USP15: variants seen among roughly 807,000 people sequenced by gnomAD.
The protein encoded by USP15 is ubiquitin carboxyl-terminal hydrolase 15.
In USP15, 18 loss-of-function variants were observed where a neutral mutation model predicts 127.1. The observed-to-expected ratio is 0.14, with a 90% CI of 0.10 to 0.21. The LOEUF (loss-of-function observed/expected upper bound fraction) is 0.21. Among genes scored for constraint, USP15 ranks in the 10% least tolerant of loss-of-function variants. USP15 has a pLI of 1.00. For missense variants in USP15, 805 were observed against 1,159.9 expected (o/e 0.69, Z 4.44); for synonymous variants, 364 against 393.7 (o/e 0.92, Z 0.89).
rs563672624 is a variant in USP15 at position 62,293,890 on chromosome 12, T to TC, written c.90-289_90-288insC. 3.1e-3 allele frequency among the ~76,000 whole-genome samples: 470 copies of TC among 152,326 alleles called. 1 individual carries two copies. The highest frequency in any genetic ancestry group is 9.8e-3 in the African/African-American group (409 of 41,572). On this transcript the variant is annotated intron_variant, in intron 1 of 21. Transcript: ENST00000280377. Reference sequence around the variant, plus strand: ...TTTTAAATTTATTTTGACAAATTCTTACGGTTATTTCCATTTTTATTCAAT... The same window carrying TC: ...TTTTAAATTTATTTTGACAAATTCTTCACGGTTATTTCCATTTTTATTCAAT...
intron 2 of USP15, among the ~76,000 whole-genome samples, chr12:62,298,547 T>A (rs950955206): frequency 5.9e-5 from 9 of 151,914 alleles, no homozygotes; most frequent in Non-Finnish European, 1.2e-4. Flanking sequence ...GCACTTGTAG[T>A]CCCATCTACT....
chr12:62,406,585 G>C lies in USP15; in HGVS notation c.*2210G>C, dbSNP rs2067874698. 2 of 152,104 alleles carry C rather than the reference G, an allele frequency of 1.3e-5. No homozygotes were observed. Among genetic ancestry groups the C allele is most frequent in the South Asian group, 4.2e-4 (2 of 4,816 alleles). 9.4% of individuals were successfully genotyped at this position (152,104 alleles called of 1,614,324 possible). Reference sequence around the variant, plus strand: ...TGATGTTAATAATGCCATTGAAACTGCCAAACTCAAATGTCATTTTTCAGC... The same window carrying C: ...TGATGTTAATAATGCCATTGAAACTCCCAAACTCAAATGTCATTTTTCAGC... On this transcript the variant is annotated 3_prime_UTR_variant, in exon 22 of 22. Coordinates refer to ENST00000280377, the MANE Select transcript of USP15 (RefSeq NM_001252078.2).
intron 2 of USP15, among the ~76,000 whole-genome samples, chr12:62,298,703 A>G (rs142576169): frequency 6.6e-6 from 1 of 151,708 alleles, no homozygotes; most frequent in Admixed American, 6.6e-5. Flanking sequence ...GGTGGCATAC[A>G]CCTGTAGTCC....
At chr12:62,391,579 TA>T in intron 16 of USP15, 150 bp downstream of exon 16, 1 of 1,045,656 alleles carries the variant, frequency 9.6e-7, no homozygotes, top group Non-Finnish European at 1.3e-6. Flanking sequence ...AATATCTAAG[TA>T]GACTAAAATG....
intron 8 of USP15, among the ~76,000 whole-genome samples, chr12:62,356,620 G>T (rs972366027): frequency 6.6e-6 from 1 of 151,998 alleles, no homozygotes; most frequent in Non-Finnish European, 1.5e-5. Flanking sequence ...TGCCTAAGCA[G>T]ATAGGTTAAT....
intron 2 of USP15, among the ~76,000 whole-genome samples, chr12:62,299,293 T>G (rs897243600): frequency 6.6e-6 from 1 of 152,032 alleles, no homozygotes; most frequent in African/African-American, 2.4e-5. Flanking sequence ...GCATTTTTGT[T>G]GAGATGGGGT....
chr12:62,311,411 G>A lies in USP15; in HGVS notation c.349-3379G>A, dbSNP rs539713716. Among the ~76,000 whole-genome samples, 8 of 151,786 alleles carry A rather than the reference G, an allele frequency of 5.3e-5. No homozygotes were observed. The East Asian group carries it at 9.6e-4, about 18-fold the overall frequency. Reference sequence around the variant, plus strand: ...ATAGTAAATATTTTTAGCTTTATGCGCCCTTTAGTTTCTTTTGAAATGACT... The same window carrying A: ...ATAGTAAATATTTTTAGCTTTATGCACCCTTTAGTTTCTTTTGAAATGACT... On this transcript the variant is annotated intron_variant, in intron 3 of 21. Coordinates refer to ENST00000280377, the MANE Select transcript of USP15 (RefSeq NM_001252078.2).
At chr12:62,312,399 A>G (rs10431510) in intron 3 of USP15, 50,248 of 164,318 alleles carry the variant, frequency 0.31, 8,020 homozygotes, top group African/African-American at 0.38. Context: ...TGTAAAAAAT[A>G]CCCTAAATAT....
intron 3 of USP15, among the ~76,000 whole-genome samples, chr12:62,304,044 A>G (rs2064403128): frequency 6.6e-6 from 1 of 151,380 alleles, no homozygotes; most frequent in Non-Finnish European, 1.5e-5. Context: ...TGTCCAAAAT[A>G]TCTCTAAAGG....
At position 62,392,373 on chromosome 12, in the gene USP15, T is replaced by A. The variant is rs1369386548; in HGVS notation, c.2406T>A (p.Gly802=). 1.3e-6 allele frequency: 2 copies of A among 1,594,754 alleles called. No individual in the cohort carries two copies. The highest frequency in any genetic ancestry group is 1.7e-6 in the Non-Finnish European group (2 of 1,173,768). The change falls in exon 18 of 22, where the codon GGT becomes GGA. Residue 802 remains glycine, a synonymous_variant. Coordinates refer to ENST00000280377, the MANE Select transcript of USP15 (RefSeq NM_001252078.2). ...IELFTTKEKL[G]AEDPWYCPNC... ...TTTTTACAACAAAAGAAAAGCTAGGTGCTGAAGATCCCTGGTAAGAGACAA... is the reference window on the plus strand; with the variant it reads ...TTTTTACAACAAAAGAAAAGCTAGGAGCTGAAGATCCCTGGTAAGAGACAA...
chr12:62,374,331 T>A (rs2066761426), intron 8 of USP15: 2 of 963,078 alleles, frequency 2.1e-6, no homozygotes, highest in Non-Finnish European at 2.5e-6. Flanking sequence ...TAGAATGAGT[T>A]ACACAACTCA....
chr12:62,335,513 G>T (rs1208403580), intron 6 of USP15: 1 of 1,147,136 alleles, frequency 8.7e-7, no homozygotes, highest in East Asian at 4.6e-5. Flanking sequence ...ATGCTTCCTG[G>T]TCCTTGCTTT....
At chr12:62,369,605 A>G (rs1318603534) in intron 8 of USP15, among the ~76,000 whole-genome samples, 3 of 152,192 alleles carry the variant, frequency 2.0e-5, no homozygotes, top group Non-Finnish European at 2.9e-5. Context: ...TAATGCCTCA[A>G]TTATATACCG....
rs932350979 is a variant in USP15 at position 62,413,117 on chromosome 12, G to A, written c.*8742G>A. The A allele has an allele frequency of 7.9e-5, 12 of 152,166 alleles. No individual in the cohort carries two copies. The highest frequency in any genetic ancestry group is 2.0e-4 in the Admixed American group (3 of 15,274). The allele number at this position is 152,166 out of a possible 1,614,324, so 9.4% of individuals were successfully genotyped here. A position where few individuals can be genotyped will look rare whatever the true frequency, so the allele number is the denominator to read the frequency against. Reference sequence around the variant, plus strand: ...CCATAGAGCTCTTGGGTGACCAGGTGCACTTGTCAATGAGCAGTAATATTT... The same window carrying A: ...CCATAGAGCTCTTGGGTGACCAGGTACACTTGTCAATGAGCAGTAATATTT... On this transcript the variant is annotated 3_prime_UTR_variant, in exon 22 of 22. Transcript: ENST00000280377.
intron 8 of USP15, among the ~76,000 whole-genome samples, chr12:62,364,752 C>T (rs972783006): frequency 6.6e-6 from 1 of 151,958 alleles, no homozygotes; most frequent in Non-Finnish European, 1.5e-5. Context: ...TGATGTCCCC[C>T]TCCCTGTGTC....
At chr12:62,272,642 C>G (rs929187333) in intron 1 of USP15, among the ~76,000 whole-genome samples, 1 of 151,920 alleles carries the variant, frequency 6.6e-6, no homozygotes, top group Non-Finnish European at 1.5e-5. Context: ...TTCTCTTTCT[C>G]CCTGCCAACT....
intron 8 of USP15, among the ~76,000 whole-genome samples, chr12:62,362,817 T>C (rs1364316995): frequency 1.3e-5 from 2 of 152,146 alleles, no homozygotes; most frequent in Non-Finnish European, 2.9e-5. Flanking sequence ...ATAAGTATCA[T>C]GAAAGAGAAA....
At chr12:62,317,802 T>C (rs546694635) in intron 4 of USP15, among the ~76,000 whole-genome samples, 2 of 152,340 alleles carry the variant, frequency 1.3e-5, no homozygotes, top group African/African-American at 4.8e-5. Context: ...CCATAGGCCA[T>C]ATCTAAATGA....
chr12:62,368,692 T>C (rs2066561868), intron 8 of USP15, among the ~76,000 whole-genome samples: 1 of 152,226 alleles, frequency 6.6e-6, no homozygotes, highest in African/African-American at 2.4e-5. Context: ...ATTTTGAGCC[T>C]ATGTGTGTCT....
Sources: gnomAD v4.1 joint callset for allele counts (sites outside exome capture counted in the v4.1 genomes callset) on GRCh38, gnomAD v4.1.1 for gene constraint, MANE v1.5 for transcripts, NCBI Gene and HGNC (gene_info 2026-07-23, HGNC 2026-07-21) for gene names.